Variants in DCC observed in about 807,000 individuals in gnomAD.
DCC encodes the protein DCC netrin 1 receptor, also known as netrin receptor DCC.
Under a neutral mutation model 172.5 loss-of-function variants are expected in DCC, and 58 were observed. That is an observed-to-expected ratio of 0.34 (90% CI 0.27 to 0.42). The LOEUF (loss-of-function observed/expected upper bound fraction) is 0.42. DCC is among the 10% of genes least tolerant of loss of function. DCC has a pLI of 1.00. For missense variants in DCC, 1,740 were observed against 1,791.0 expected, an observed-to-expected ratio of 0.97 and a Z score of 0.51; for synonymous variants, 709 against 644.5, an observed-to-expected ratio of 1.10 and a Z score of -1.52.
chr18:52,531,191 T>G (rs1442932450), intron 1 of DCC, among the ~76,000 whole-genome samples: 2 of 152,216 alleles, frequency 1.3e-5, no homozygotes, highest in African/African-American at 2.4e-5. Context: ...TTTGAACTGA[T>G]GAGTCAAGCA....
At chr18:52,454,620 T>C (rs988192145) in intron 1 of DCC, among the ~76,000 whole-genome samples, 1 of 152,190 alleles carries the variant, frequency 6.6e-6, no homozygotes, top group Admixed American at 6.5e-5. Context: ...GACCCTCACC[T>C]TGTCGAAAAT....
intron 2 of DCC, among the ~76,000 whole-genome samples, chr18:52,871,539 C>G (rs548698956): frequency 6.6e-6 from 1 of 152,196 alleles, no homozygotes; most frequent in Non-Finnish European, 1.5e-5. Flanking sequence ...TCATAGTTCA[C>G]TGCCACCTTG....
At chr18:53,223,157 A>G (rs1302553474) in intron 12 of DCC, among the ~76,000 whole-genome samples, 2 of 152,118 alleles carry the variant, frequency 1.3e-5, no homozygotes, top group Admixed American at 1.3e-4. Flanking sequence ...TATTAATGTA[A>G]ATAGGACTTA....
intron 2 of DCC, among the ~76,000 whole-genome samples, chr18:52,798,813 T>A (rs1042652474): frequency 6.6e-6 from 1 of 151,822 alleles, no homozygotes; most frequent in Admixed American, 6.6e-5. Context: ...AGTTCAATGG[T>A]GGGATCTTGT....
intron 12 of DCC, among the ~76,000 whole-genome samples, chr18:53,296,420 T>C (rs971965605): frequency 6.6e-6 from 1 of 152,186 alleles, no homozygotes; most frequent in Non-Finnish European, 1.5e-5. Flanking sequence ...CTTTCATTTG[T>C]ACCATAATCC....
At chr18:53,362,379 T>G (rs752290855) in intron 15 of DCC, among the ~76,000 whole-genome samples, 5 of 152,174 alleles carry the variant, frequency 3.3e-5, no homozygotes, top group Non-Finnish European at 7.3e-5. Context: ...CATTTTTCAC[T>G]TATCTGAATG....
chr18:53,162,298 C>CAAAAAA lies in DCC; in HGVS notation c.1418+4798_1418+4803dup, dbSNP rs59626358. Reference sequence around the variant, plus strand: ...TGGGTGACAAAGCAAGACTCTGCCTCAAAAAAAAAAAAAAAAATTAAGACC... The same window carrying CAAAAAA: ...TGGGTGACAAAGCAAGACTCTGCCTCAAAAAAAAAAAAAAAAAAAAAAATTAAGACC... On this transcript the variant is annotated intron_variant, in intron 8 of 28. Transcript: ENST00000442544. 4.4e-5 allele frequency among the ~76,000 whole-genome samples: 5 copies of CAAAAAA among 114,764 alleles called. No homozygotes were observed. The East Asian group carries it at 7.2e-4, about 17-fold the overall frequency. 75.3% of individuals were successfully genotyped at this position (114,764 alleles called of 152,430 possible). A position where few individuals can be genotyped will look rare whatever the true frequency, so the allele number is the denominator to read the frequency against.
intron 8 of DCC, among the ~76,000 whole-genome samples, chr18:53,177,330 TAA>T (rs915573040): frequency 6.6e-6 from 1 of 150,626 alleles, no homozygotes; most frequent in Non-Finnish European, 1.5e-5. Context: ...TAAAGTATAA[TAA>T]AAAAAAAGAA....
chr18:52,571,495 C>T (rs2033291782), intron 1 of DCC, among the ~76,000 whole-genome samples: 1 of 152,100 alleles, frequency 6.6e-6, no homozygotes, highest in African/African-American at 2.4e-5. Context: ...AAACTTTTGA[C>T]TAGTCTTACT....
rs184586115 is a variant in DCC at position 52,823,947 on chromosome 18, A to G, written c.412+71573A>G. Among the ~76,000 whole-genome samples the G allele has an allele frequency of 7.9e-5, 12 of 152,358 alleles. No homozygotes were observed. The East Asian group carries it at 9.6e-4, about 12-fold the overall frequency. On this transcript the variant is annotated intron_variant, in intron 2 of 28. Coordinates refer to ENST00000442544, the MANE Select transcript of DCC (RefSeq NM_005215.4). ...CCTGCAGGTTGTTTATACAGCTTGT[A>G]CTATCTGGGCAGTGAGTGGAAAACT...
intron 12 of DCC, among the ~76,000 whole-genome samples, chr18:53,280,498 GT>G (rs1165819377): frequency 6.6e-6 from 1 of 152,052 alleles, no homozygotes; most frequent in African/African-American, 2.4e-5. Context: ...TCTTTGAGAA[GT>G]TTTTTGGGTA....
At chr18:52,514,771 G>C (rs1192786957) in intron 1 of DCC, among the ~76,000 whole-genome samples, 1 of 152,216 alleles carries the variant, frequency 6.6e-6, no homozygotes, top group Admixed American at 6.5e-5. Flanking sequence ...GAAGATCAAA[G>C]CTATATGAAA....
At chr18:52,398,450 A>T (rs916840121) in intron 1 of DCC, among the ~76,000 whole-genome samples, 1 of 151,928 alleles carries the variant, frequency 6.6e-6, no homozygotes, top group African/African-American at 2.4e-5. Context: ...CCATTTTGTG[A>T]CATCCTTTGT....
At chr18:53,239,673 G>T (rs2056259150) in intron 12 of DCC, among the ~76,000 whole-genome samples, 1 of 152,110 alleles carries the variant, frequency 6.6e-6, no homozygotes, top group African/African-American at 2.4e-5. Context: ...ACCTTGAGTA[G>T]AAGAATTCAA....
intron 18 of DCC, among the ~76,000 whole-genome samples, chr18:53,401,581 A>G (rs1307302091): frequency 7.6e-6 from 1 of 131,170 alleles, no homozygotes; most frequent in East Asian, 2.1e-4. Context: ...GAAGTACGAA[A>G]GAGAATAGGG....
chr18:52,574,768 C>T (rs574145569), intron 1 of DCC, among the ~76,000 whole-genome samples: 1 of 152,232 alleles, frequency 6.6e-6, no homozygotes, highest in South Asian at 2.1e-4. Flanking sequence ...CTCTTTGTCC[C>T]TTTCTTTCAA....
At chr18:53,252,242 T>A (rs980514174) in intron 12 of DCC, among the ~76,000 whole-genome samples, 1 of 151,924 alleles carries the variant, frequency 6.6e-6, no homozygotes, top group Non-Finnish European at 1.5e-5. Flanking sequence ...GTATTTTGCA[T>A]GTGCTCATTT....
At chr18:53,304,389 A>C (rs1288468469) in intron 12 of DCC, among the ~76,000 whole-genome samples, 1 of 152,124 alleles carries the variant, frequency 6.6e-6, no homozygotes, top group Non-Finnish European at 1.5e-5. Flanking sequence ...GGCAAAGATA[A>C]TAATTTTCTC....
chr18:52,989,771 T>C (rs1280426025), intron 5 of DCC, among the ~76,000 whole-genome samples: 1 of 152,156 alleles, frequency 6.6e-6, no homozygotes, highest in African/African-American at 2.4e-5. Context: ...CATCAGTTAA[T>C]AAATTAGATG....
Sources: gnomAD v4.1 joint callset for allele counts (sites outside exome capture counted in the v4.1 genomes callset) on GRCh38, gnomAD v4.1.1 for gene constraint, MANE v1.5 for transcripts, NCBI Gene and HGNC (gene_info 2026-07-23, HGNC 2026-07-21) for gene names.